UPF1: variants seen among roughly 807,000 people sequenced by gnomAD.
UPF1 encodes the protein regulator of nonsense transcripts 1.
Under a neutral mutation model 129.2 loss-of-function variants are expected in UPF1, and 9 were observed. That is an observed-to-expected ratio of 0.07 (90% CI 0.04 to 0.12). The LOEUF is 0.12. UPF1 is among the 10% of genes least tolerant of loss of function. UPF1 has a pLI of 1.00. For missense variants in UPF1, 788 were observed against 1,525.3 expected (o/e 0.52, Z 8.05); for synonymous variants, 649 against 644.9 (o/e 1.01, Z -0.10).
chr19:18,845,394 G>C lies in UPF1; in HGVS notation c.232-586G>C, dbSNP rs117950715. On this transcript the variant is annotated intron_variant, in intron 1 of 23. Coordinates refer to ENST00000262803, the MANE Select transcript of UPF1 (RefSeq NM_002911.4). ...GCCTGATGACTTAGAGCCATGCGCTGTCTGCCTTTGCTGAACATAGAAGAG... is the reference window on the plus strand; with the variant it reads ...GCCTGATGACTTAGAGCCATGCGCTCTCTGCCTTTGCTGAACATAGAAGAG... Among the ~76,000 whole-genome samples the C allele has an allele frequency of 5.6e-3, 857 of 152,312 alleles. 7 individuals are homozygous for C. Among genetic ancestry groups the C allele is most frequent in the Non-Finnish European group, 9.5e-3 (645 of 68,032 alleles).
chr19:18,859,578 C>T (rs765597705), intron 15 of UPF1: 1 of 152,200 alleles, frequency 6.6e-6, no homozygotes, highest in Admixed American at 6.5e-5. Flanking sequence ...ATTTTCAGCT[C>T]GACGTGGGAT....
At chr19:18,841,655 T>C (rs1415216948) in intron 1 of UPF1, among the ~76,000 whole-genome samples, 6 of 152,152 alleles carry the variant, frequency 3.9e-5, no homozygotes, top group Non-Finnish European at 8.8e-5. Flanking sequence ...GAACCCCTCA[T>C]TGTCACACTT....
In UPF1 at chr19:18,850,207, G is replaced by A. The variant is rs143825528; in HGVS notation, c.594G>A (p.Pro198=). Residue 198 remains proline (P), a synonymous_variant, in exon 4 of 24, where the codon CCG becomes CCA. Coordinates refer to ENST00000262803, the MANE Select transcript of UPF1 (RefSeq NM_002911.4). This position sits in a 1 kb window ranked among gnomAD's most constrained non-coding sequence, Gnocchi z 7.1. ...CRNVFLLGFI[P]AKADSVVVLL... is the part of the protein sequence containing the mutation. ...ACGTCTTCCTCCTCGGCTTCATCCC[G>A]GCCAAAGCTGACTCAGTGGTGGTGC... is the stretch of plus-strand genomic sequence containing the variant. The A allele has an allele frequency of 2.1e-4, 338 of 1,612,660 alleles. No individual in the cohort carries two copies. The highest frequency in any genetic ancestry group is 2.7e-4 in the Non-Finnish European group (318 of 1,179,276).
At position 18,867,920 on chromosome 19, in the gene UPF1, C is replaced by G. The variant is rs1386054647; in HGVS notation, c.*1403C>G. On this transcript the variant is annotated 3_prime_UTR_variant, in exon 24 of 24. Coordinates refer to ENST00000262803, the MANE Select transcript of UPF1 (RefSeq NM_002911.4). Reference sequence around the variant, plus strand: ...CGGGGACGCACAGGCCACCTTCCTTCTGGCAGGGACTCTTATTTATTCCCA... The same window carrying G: ...CGGGGACGCACAGGCCACCTTCCTTGTGGCAGGGACTCTTATTTATTCCCA... The G allele has an allele frequency of 6.5e-6, 1 of 152,674 alleles. No homozygotes were observed. Among genetic ancestry groups the G allele is most frequent in the African/African-American group, 2.4e-5 (1 of 41,476 alleles). The allele number at this position is 152,674 out of a possible 1,614,324, so 9.5% of individuals were successfully genotyped here.
chr19:18,859,154 T>C (rs1177767911), intron 15 of UPF1, among the ~76,000 whole-genome samples: 1 of 152,152 alleles, frequency 6.6e-6, no homozygotes, highest in African/African-American at 2.4e-5. Context: ...ACCTAGCTTG[T>C]GCTCTGGGGT....
intron 3 of UPF1, chr19:18,849,314 T>G (rs1185652881): frequency 6.5e-6 from 1 of 152,856 alleles, no homozygotes; most frequent in Non-Finnish European, 1.5e-5. Flanking sequence ...CCTGCAGGCG[T>G]GTTCAGAGCT....
intron 11 of UPF1, 99 bp downstream of exon 11, chr19:18,855,341 A>G (rs988604635): frequency 1.0e-5 from 14 of 1,352,620 alleles, no homozygotes; most frequent in Non-Finnish European, 1.2e-5. Flanking sequence ...GTCACACCGA[A>G]GAGAGCACGT....
At chr19:18,852,954 G>A in intron 6 of UPF1, 33 bp from the exon 7 acceptor site, 2 of 1,590,124 alleles carry the variant, frequency 1.3e-6, no homozygotes, top group South Asian at 1.1e-5. Context: ...TGTGCTGGAG[G>A]CTAACCGGGG....
intron 1 of UPF1, among the ~76,000 whole-genome samples, chr19:18,843,878 T>C (rs2055569567): frequency 6.6e-6 from 1 of 152,090 alleles, no homozygotes; most frequent in Admixed American, 6.6e-5. Flanking sequence ...CCTGATTAGC[T>C]GGGACTACAA....
chr19:18,849,992 G>C (rs2055640772), intron 3 of UPF1, 83 bp from the exon 4 acceptor site: 1 of 1,565,858 alleles, frequency 6.4e-7, no homozygotes, highest in Admixed American at 1.7e-5. Context: ...AACGGTACCG[G>C]AACTTTTAAC....
intron 20 of UPF1, 42 bp downstream of exon 20, chr19:18,864,293 A>T: frequency 6.4e-7 from 1 of 1,552,676 alleles, no homozygotes; most frequent in East Asian, 2.3e-5. Flanking sequence ...CCTTGTCCTC[A>T]CACCGGGATG....
chr19:18,835,875 G>T (rs2055478707), intron 1 of UPF1, among the ~76,000 whole-genome samples: 1 of 152,186 alleles, frequency 6.6e-6, no homozygotes, highest in African/African-American at 2.4e-5. Context: ...GTAACTGCAA[G>T]ACTGTTTTCC....
At chr19:18,854,849 C>T (rs1200517902) in intron 9 of UPF1, 30 bp from the exon 10 acceptor site, 2 of 1,612,450 alleles carry the variant, frequency 1.2e-6, no homozygotes, top group Non-Finnish European at 1.7e-6. Context: ...CACAGCTGTG[C>T]GTGTCGCCAA....
chr19:18,862,090 G>A lies in UPF1; in HGVS notation c.2538G>A (p.Glu846=). The A allele has an allele frequency of 3.7e-6, 6 of 1,614,092 alleles. No homozygotes were observed. The highest frequency in any genetic ancestry group is 3.4e-6 in the Non-Finnish European group (4 of 1,180,032). Residue 846 remains glutamate (E), a synonymous_variant, in exon 18 of 24, where the codon GAG becomes GAA. Coordinates refer to ENST00000262803, the MANE Select transcript of UPF1 (RefSeq NM_002911.4). ...TCCTGTCCTGTGTGCGGGCCAACGA[G>A]CACCAAGGCATTGGCTTTTTAAATG... The part of the protein sequence containing the change: ...FIILSCVRAN[E]HQGIGFLNDP...
chr19:18,856,364 C>A (rs2055718045), intron 13 of UPF1, 64 bp downstream of exon 13: 2 of 1,444,338 alleles, frequency 1.4e-6, no homozygotes, highest in Non-Finnish European at 1.9e-6. Context: ...TTTGTTTGGG[C>A]CAAAGCACCT....
intron 1 of UPF1, among the ~76,000 whole-genome samples, chr19:18,841,396 G>C (rs2055539641): frequency 6.6e-6 from 1 of 152,218 alleles, no homozygotes; most frequent in Admixed American, 6.5e-5. Flanking sequence ...AAGGGCGCCT[G>C]TCCTGAATAG....
intron 11 of UPF1, 47 bp from the exon 12 acceptor site, chr19:18,855,878 C>T: frequency 6.3e-7 from 1 of 1,599,864 alleles, no homozygotes; most frequent in Non-Finnish European, 8.5e-7. Context: ...ACTACGTTCA[C>T]CGAGCTTCCT....
At chr19:18,861,029 G>A in intron 17 of UPF1, 47 bp downstream of exon 17, 1 of 1,526,890 alleles carries the variant, frequency 6.5e-7, no homozygotes, top group Non-Finnish European at 8.8e-7. Flanking sequence ...CCATGCAAGG[G>A]TATTGACCCT....
At chr19:18,849,531 C>T (rs969798431) in intron 3 of UPF1, 5 of 166,318 alleles carry the variant, frequency 3.0e-5, no homozygotes, top group Admixed American at 5.7e-5. Context: ...TCTGTAGAAC[C>T]GCCCCCGCCT....
Sources: gnomAD v4.1 joint callset for allele counts (sites outside exome capture counted in the v4.1 genomes callset) on GRCh38, gnomAD v4.1.1 for gene constraint, Gnocchi (gnomAD v3.1) non-coding constraint, MANE v1.5 for transcripts, NCBI Gene and HGNC (gene_info 2026-07-23, HGNC 2026-07-21) for gene names.